The following SDK2 variants were observed in gnomAD, a reference collection of about 807,000 sequenced individuals.
SDK2 encodes sidekick cell adhesion molecule 2.
A neutral mutation model predicts 253.9 loss-of-function variants in SDK2; 105 were observed. The ratio of observed to expected loss-of-function variants is 0.41; its 90% confidence interval spans 0.35 to 0.49. The LOEUF (loss-of-function observed/expected upper bound fraction) is 0.49, where lower values mean the gene tolerates loss of function less well. SDK2 is among the 20% of genes least tolerant of loss of function. The pLI, the probability that SDK2 is intolerant of heterozygous loss-of-function variation, is 0.06. For missense variants in SDK2, 2,608 were observed against 3,003.0 expected, an observed-to-expected ratio of 0.87 and a Z score of 3.07; for synonymous variants, 1,249 against 1,234.9, an observed-to-expected ratio of 1.01 and a Z score of -0.24.
At position 73,455,932 on chromosome 17, in the gene SDK2, G is replaced by A. The variant is rs1453896813; in HGVS notation, c.453C>T (p.Gly151=). The A allele has an allele frequency of 2.6e-6, 4 of 1,545,718 alleles. No individual in the cohort carries two copies. Among genetic ancestry groups the A allele is most frequent in the African/African-American group, 2.7e-5 (2 of 73,074 alleles). ...PQPQVTWFRD[G]RKIPPSSRIA... ...TGCGGCTGCTGGGCGGGATCTTGCG[G>A]CCGTCCCGGAACCAGGTCACCTGTG... is the stretch of plus-strand genomic sequence containing the variant. The change falls in exon 4 of 45, where the codon GGC becomes GGT. Residue 151 remains glycine (G), a synonymous_variant. Coordinates refer to ENST00000392650, the MANE Select transcript of SDK2 (RefSeq NM_001144952.2). This position sits in a 1 kb window ranked among gnomAD's most constrained non-coding sequence, Gnocchi z 5.0.
In SDK2 at chr17:73,338,643, T is replaced by TG; in HGVS notation, c.6462dup (p.Ser2155GlnfsTer92). 1 of 1,542,908 alleles carries TG rather than the reference T, an allele frequency of 6.5e-7. No individual in the cohort carries two copies. Among genetic ancestry groups the TG allele is most frequent in the Non-Finnish European group, 8.7e-7 (1 of 1,148,604 alleles). Reference sequence around the variant, plus strand: ...GCCCGGGAGCCTGGGGCCAGGCTGCTGGGGGGACGGTAGAGGGTGCTCTGC... The same window carrying TG: ...GCCCGGGAGCCTGGGGCCAGGCTGCTGGGGGGGACGGTAGAGGGTGCTCTGC... On this transcript the variant is annotated frameshift_variant, in exon 45 of 45. Coordinates refer to ENST00000392650, the MANE Select transcript of SDK2 (RefSeq NM_001144952.2). LOFTEE classifies it high-confidence loss of function. This position sits in a 1 kb window ranked among gnomAD's most constrained non-coding sequence, Gnocchi z 5.0.
chr17:73,402,869 C>T (rs936099375), intron 18 of SDK2, among the ~76,000 whole-genome samples: 1 of 152,270 alleles, frequency 6.6e-6, no homozygotes, highest in East Asian at 1.9e-4. Flanking sequence ...AAGATCTAGG[C>T]TCACTGCAAC....
At chr17:73,462,800 T>C (rs1369849244) in intron 3 of SDK2, among the ~76,000 whole-genome samples, 4 of 152,152 alleles carry the variant, frequency 2.6e-5, no homozygotes, top group Non-Finnish European at 5.9e-5. Context: ...CTCCAACATC[T>C]TCCCACCTCA....
In SDK2 at chr17:73,455,796, G is replaced by C; in HGVS notation, c.479+110C>G. The C allele has an allele frequency of 8.1e-7, 1 of 1,238,062 alleles. No homozygotes were observed. Among genetic ancestry groups the C allele is most frequent in the Non-Finnish European group, 1.1e-6 (1 of 926,310 alleles). The allele number at this position is 1,238,062 out of a possible 1,614,324, so 76.7% of individuals were successfully genotyped here. On this transcript the variant is annotated intron_variant, in intron 4 of 44. Transcript: ENST00000392650. This position sits in a 1 kb window ranked among gnomAD's most constrained non-coding sequence, Gnocchi z 5.0. ...GCTGTGTCCCACAGGAGCTGAAAGG[G>C]GCTTCTGCACAAAGGCCCTCCTCCA...
At chr17:73,420,355 A>G (rs931444064) in intron 15 of SDK2, among the ~76,000 whole-genome samples, 1 of 152,126 alleles carries the variant, frequency 6.6e-6, no homozygotes, top group Admixed American at 6.6e-5. Context: ...TTTATTTGAG[A>G]GAGTTTTGCT....
chr17:73,445,732 G>A (rs1298993917), intron 5 of SDK2, among the ~76,000 whole-genome samples: 1 of 152,198 alleles, frequency 6.6e-6, no homozygotes, highest in East Asian at 1.9e-4. Context: ...AGGCAGGCTG[G>A]GGATTTGTGT....
chr17:73,367,385 T>C (rs1055924448), intron 37 of SDK2, among the ~76,000 whole-genome samples: 1 of 152,224 alleles, frequency 6.6e-6, no homozygotes, highest in African/African-American at 2.4e-5. Context: ...GCCACCTGGC[T>C]TTCTCTGCGT....
intron 1 of SDK2, among the ~76,000 whole-genome samples, chr17:73,559,566 G>A (rs895842336): frequency 8.6e-5 from 13 of 150,484 alleles, no homozygotes; most frequent in Non-Finnish European, 1.8e-4. Context: ...GGCAAGCTCT[G>A]TCCATCCGCC....
Position 73,605,308 on chromosome 17 carries a change from CAGAG to C in SDK2, c.64+38713_64+38716del, listed in dbSNP as rs200596581. On this transcript the variant is annotated intron_variant, in intron 1 of 44. Coordinates refer to ENST00000392650, the MANE Select transcript of SDK2 (RefSeq NM_001144952.2). ...GGTCAGGCTGAGGGGAAAGACTTGGCAGAGAGAGAGGATGGAGGTCCAGGTGAGG... is the reference window on the plus strand; with the variant it reads ...GGTCAGGCTGAGGGGAAAGACTTGGCAGAGAGGATGGAGGTCCAGGTGAGG... Among the ~76,000 whole-genome samples, 44 of 152,068 alleles carry C rather than the reference CAGAG, an allele frequency of 2.9e-4. No homozygotes were observed. In the East Asian group the frequency reaches 8.5e-3, roughly 29 times the overall value.
At chr17:73,423,143 A>G (rs7405626) in intron 14 of SDK2, among the ~76,000 whole-genome samples, 114,400 of 152,168 alleles carry the variant, frequency 0.75, 43,880 homozygotes, top group Admixed American at 0.82. Flanking sequence ...TTTTCTTTGC[A>G]GCTTCTGCTG....
chr17:73,630,222 G>A (rs889141023), intron 1 of SDK2, among the ~76,000 whole-genome samples: 9 of 152,168 alleles, frequency 5.9e-5, no homozygotes, highest in African/African-American at 2.2e-4. Context: ...CAGTGGCAGC[G>A]ACACCTGGGA....
In SDK2 at chr17:73,401,703, C is replaced by A; in HGVS notation, c.2730G>T (p.Ser910=). ...CCGGCTCTTGCCAGCTGACCTTCAG[C>A]GATGTGTCCAGGATCTCACTGAAGC... ...HLSFSEILDT[S]LKVSWQEPGE... is the part of the protein sequence containing the mutation. Residue 910 remains serine, a synonymous_variant, in exon 20 of 45, where the codon TCG becomes TCT. Coordinates refer to ENST00000392650, the MANE Select transcript of SDK2 (RefSeq NM_001144952.2). 6.3e-7 allele frequency: 1 copy of A among 1,595,254 alleles called. No individual in the cohort carries two copies. Among genetic ancestry groups the A allele is most frequent in the Admixed American group, 1.7e-5 (1 of 57,788 alleles).
intron 13 of SDK2, among the ~76,000 whole-genome samples, 191 bp downstream of exon 13, chr17:73,423,725 C>T (rs960117536): frequency 1.3e-5 from 2 of 152,226 alleles, no homozygotes; most frequent in Non-Finnish European, 2.9e-5. Context: ...CACCCCCCTG[C>T]TCTTGACGGA....
chr17:73,603,962 G>T (rs946384132), intron 1 of SDK2, among the ~76,000 whole-genome samples: 6 of 152,248 alleles, frequency 3.9e-5, no homozygotes, highest in Non-Finnish European at 8.8e-5. Context: ...AGGATGGGGA[G>T]AGAGGGGGAA....
At chr17:73,568,926 TA>T (rs904592620) in intron 1 of SDK2, among the ~76,000 whole-genome samples, 1 of 152,232 alleles carries the variant, frequency 6.6e-6, no homozygotes, top group African/African-American at 2.4e-5. Context: ...ATCGTCTCCC[TA>T]AAAAGTGCAC....
chr17:73,487,887 G>A (rs972014064), intron 2 of SDK2, among the ~76,000 whole-genome samples: 1 of 152,118 alleles, frequency 6.6e-6, no homozygotes, highest in Non-Finnish European at 1.5e-5. Context: ...TAACAACCTC[G>A]GCTGTGGCTT....
chr17:73,365,273 A>G lies in SDK2; in HGVS notation c.5290T>C (p.Cys1764Arg), dbSNP rs1298742748. The G allele has an allele frequency of 4.3e-6, 7 of 1,610,034 alleles. No individual in the cohort carries two copies. Among genetic ancestry groups the G allele is most frequent in the East Asian group, 2.2e-5 (1 of 44,714 alleles). The change falls in exon 38 of 45, where the codon TGC (cysteine) becomes CGC (arginine). Residue 1764 changes from cysteine to arginine, a missense_variant. By Grantham distance (180) the Cys-to-Arg change is radical. This residue lies in a region of SDK2 where 1,103 missense variants were observed against 1,143.9 expected (regional missense o/e 0.96). Transcript: ENST00000392650. ...GTCCACTCACCATCCACGGGGCTGC[A>G]GGGCTCGTACACCAGCCTGTAGCCC... ...LEGYRLVYEP[C>R]SPVDGVSKIV...
intron 1 of SDK2, among the ~76,000 whole-genome samples, chr17:73,640,689 T>C (rs1199522797): frequency 6.6e-6 from 1 of 152,248 alleles, no homozygotes; most frequent in Non-Finnish European, 1.5e-5. Flanking sequence ...TGGCTTTTAT[T>C]GTGATTAGCT....
chr17:73,425,489 C>A (rs569541681), intron 12 of SDK2, among the ~76,000 whole-genome samples: 1 of 152,238 alleles, frequency 6.6e-6, no homozygotes, highest in East Asian at 1.9e-4. Flanking sequence ...GCTTTGTGAT[C>A]TTGGGTGAGC....
Sources: allele counts gnomAD v4.1 joint callset (sites outside exome capture counted in the v4.1 genomes callset), GRCh38; gene constraint gnomAD v4.1.1; regional missense constraint gnomAD v4.1.1; non-coding constraint Gnocchi (gnomAD v3.1); transcripts MANE v1.5; gene names NCBI Gene and HGNC (gene_info 2026-07-23, HGNC 2026-07-21).